ZPBP: variants seen among roughly 807,000 people sequenced by gnomAD.
ZPBP encodes zona pellucida binding protein, also known as zona pellucida-binding protein 1.
In ZPBP, 26 loss-of-function variants were observed where a neutral mutation model predicts 44.8. The observed-to-expected ratio is 0.58, with a 90% confidence interval of 0.43 to 0.81. The LOEUF is 0.81. Ranked by LOEUF, ZPBP falls within the 30% of genes least tolerant of loss-of-function variation. The pLI is 0.00. For synonymous variants in ZPBP, 174 were observed against 153.2 expected, an observed-to-expected ratio of 1.14 and a Z score of -1.00; for missense variants, 409 against 434.0, an observed-to-expected ratio of 0.94 and a Z score of 0.51.
At chr7:49,949,317 T>C (rs55803220) in intron 7 of ZPBP, among the ~76,000 whole-genome samples, 3,316 of 152,244 alleles carry the variant, frequency 0.022, 141 homozygotes, top group African/African-American at 0.076. Context: ...AGCAGGATCT[T>C]GCAGGTATTT....
chr7:49,951,403 G>A (rs375879849), intron 7 of ZPBP, among the ~76,000 whole-genome samples: 4 of 151,554 alleles, frequency 2.6e-5, no homozygotes, highest in East Asian at 1.9e-4. Context: ...GAGGATTTAC[G>A]TAGACATTTC....
At chr7:49,878,694 G>T (rs1265201749) in intron 2 of ZPBP, among the ~76,000 whole-genome samples, 1 of 151,948 alleles carries the variant, frequency 6.6e-6, no homozygotes, top group African/African-American at 2.4e-5. Flanking sequence ...TCTTTGATAA[G>T]TTCTCTGCCA....
intron 5 of ZPBP, among the ~76,000 whole-genome samples, chr7:50,021,021 A>G (rs762656730): frequency 6.6e-6 from 1 of 152,116 alleles, no homozygotes; most frequent in East Asian, 1.9e-4. Context: ...AACTCATACA[A>G]GCAAGAAACA....
intron 7 of ZPBP, among the ~76,000 whole-genome samples, chr7:49,972,705 T>TG (rs1160663526): frequency 1.3e-5 from 2 of 152,072 alleles, no homozygotes; most frequent in East Asian, 1.9e-4. Context: ...GTCAAGCATA[T>TG]TTTTGCAAAA....
intron 1 of ZPBP, among the ~76,000 whole-genome samples, chr7:49,924,239 A>T (rs1158157902): frequency 6.6e-6 from 1 of 151,970 alleles, no homozygotes; most frequent in Non-Finnish European, 1.5e-5. Context: ...TTATAGGGTA[A>T]TTTTTTATAT....
intron 7 of ZPBP, among the ~76,000 whole-genome samples, chr7:49,958,939 A>G (rs1247235715): frequency 6.6e-6 from 1 of 152,202 alleles, no homozygotes; most frequent in Non-Finnish European, 1.5e-5. Context: ...ATACTCTTGA[A>G]AAAGGTATAA....
chr7:49,918,433 A>G (rs527371084), intron 1 of ZPBP: 10 of 152,352 alleles, frequency 6.6e-5, no homozygotes, highest in African/African-American at 1.9e-4. Context: ...CAATCTTGAT[A>G]CTTGTCAAAG....
At chr7:49,843,253 A>G in the ZPBP span, among the ~76,000 whole-genome samples, 5 of 152,150 alleles carry the variant, frequency 3.3e-5, no homozygotes, top group African/African-American at 1.2e-4. Context: ...AAAAATCCAA[A>G]TTCAAATTCT....
At chr7:49,864,611 C>T (rs1198491975) in intron 2 of ZPBP, among the ~76,000 whole-genome samples, 1 of 152,180 alleles carries the variant, frequency 6.6e-6, no homozygotes, top group Admixed American at 6.5e-5. Context: ...ACGGTGTTTT[C>T]GAGCATCATC....
chr7:49,925,764 G>A (rs758167054), intron 1 of ZPBP, among the ~76,000 whole-genome samples: 3 of 152,126 alleles, frequency 2.0e-5, no homozygotes, highest in Admixed American at 1.3e-4. Context: ...CCACATCATC[G>A]GCCGCTGTCA....
intron 4 of ZPBP, among the ~76,000 whole-genome samples, chr7:50,038,373 C>G (rs546369049): frequency 1.3e-5 from 2 of 152,332 alleles, no homozygotes; most frequent in East Asian, 3.9e-4. Context: ...GTTGGCCAGA[C>G]AGCAACACAG....
chr7:49,997,902 CTTTA>C (rs34980402), intron 6 of ZPBP, among the ~76,000 whole-genome samples: 6 of 150,684 alleles, frequency 4.0e-5, no homozygotes, highest in Non-Finnish European at 8.9e-5. Context: ...AATTAAATGT[CTTTA>C]TTTATTTATT....
chr7:50,029,945 T>A (rs1299745897), intron 5 of ZPBP, among the ~76,000 whole-genome samples: 1 of 152,174 alleles, frequency 6.6e-6, no homozygotes, highest in African/African-American at 2.4e-5. Context: ...AACCTCAGCT[T>A]CCCGGGTTCA....
chr7:49,993,519 CA>C (rs1797660030), intron 6 of ZPBP, among the ~76,000 whole-genome samples: 2 of 152,012 alleles, frequency 1.3e-5, no homozygotes, highest in African/African-American at 4.8e-5. Flanking sequence ...AGTCTATGAA[CA>C]ATAAATGTTT....
At chr7:49,864,795 GCTGCTGAGCA>G (rs1335980311) in intron 2 of ZPBP, among the ~76,000 whole-genome samples, 2 of 152,238 alleles carry the variant, frequency 1.3e-5, no homozygotes, top group African/African-American at 4.8e-5. Flanking sequence ...AATGGAGACT[GCTGCTGAGCA>G]GGGGAGGGTG....
At chr7:49,963,768 C>T (rs76172418) in intron 7 of ZPBP, among the ~76,000 whole-genome samples, 10,705 of 151,758 alleles carry the variant, frequency 0.071, 514 homozygotes, top group Non-Finnish European at 0.1. Context: ...GCTCTAGGCC[C>T]ATTTGATTTC....
chr7:50,005,823 ATGTGTGTGTGT>A (rs1243649215), intron 6 of ZPBP, among the ~76,000 whole-genome samples: 2 of 144,814 alleles, frequency 1.4e-5, no homozygotes, highest in African/African-American at 5.2e-5. Flanking sequence ...ATAACTATAT[ATGTGTGTGTGT>A]GTGTGTGTGT....
At chr7:49,906,297 C>G (rs1793084696) in intron 1 of ZPBP, among the ~76,000 whole-genome samples, 1 of 152,010 alleles carries the variant, frequency 6.6e-6, no homozygotes, top group African/African-American at 2.4e-5. Context: ...CAAAAAAGAA[C>G]AAAGAGCTAA....
At chr7:49,915,032 T>C (rs1793641988) in intron 1 of ZPBP, 1 of 152,246 alleles carries the variant, frequency 6.6e-6, no homozygotes, top group Non-Finnish European at 1.5e-5. Flanking sequence ...TCTGAAAGTA[T>C]AAAGCTACTT....
Sources: allele counts gnomAD v4.1 joint callset (sites outside exome capture counted in the v4.1 genomes callset), GRCh38; gene constraint gnomAD v4.1.1; transcripts MANE v1.5; gene names NCBI Gene and HGNC (gene_info 2026-07-23, HGNC 2026-07-21).